PNLDC1: variants seen among roughly 807,000 people sequenced by gnomAD.
PNLDC1 encodes the protein PARN like ribonuclease domain containing exonuclease 1, also known as poly(A)-specific ribonuclease PNLDC1.
In PNLDC1, 70 loss-of-function variants were observed where a neutral mutation model predicts 82.0. The observed-to-expected ratio is 0.85, with a 90% CI of 0.70 to 1.04. The LOEUF is 1.04. PNLDC1 is among the 50% of genes least tolerant of loss of function. The probability of loss-of-function intolerance (pLI) is 0.00; values close to 1 mark genes in which losing one functional copy is unlikely to be tolerated. For missense variants in PNLDC1, 631 were observed against 661.1 expected, an observed-to-expected ratio of 0.95 and a Z score of 0.50; for synonymous variants, 280 against 249.3, an observed-to-expected ratio of 1.12 and a Z score of -1.16.
In PNLDC1 at chr6:159,813,604, A is replaced by T; in HGVS notation, c.943A>T (p.Met315Leu). The T allele has an allele frequency of 6.2e-7, 1 of 1,612,376 alleles. No individual in the cohort carries two copies. The highest frequency in any genetic ancestry group is 2.2e-5 in the East Asian group (1 of 44,860). The change falls in exon 12 of 19, where the codon ATG (methionine) becomes TTG (leucine). Residue 315 changes from methionine to leucine, a missense_variant. By Grantham distance (15) the Met-to-Leu change is conservative (BLOSUM62 2). Transcript: ENST00000392167. Reference sequence around the variant, plus strand: ...GGTTTGTTTTCCATGATTGTAGGAGATGAATTTCCCGAGGGTGTCGAATCT... The same window carrying T: ...GGTTTGTTTTCCATGATTGTAGGAGTTGAATTTCCCGAGGGTGTCGAATCT... ...KSVTKDIWKE[M>L]NFPRVSNLSE... is the part of the protein sequence containing the mutation.
In PNLDC1 at chr6:159,819,424, G is replaced by A; in HGVS notation, c.1532+72G>A. ...GCCCGGGGTCCCAGCATCCCAGCAT[G>A]GTCTGACTCGAGCACAGCTCACTTG... On this transcript the variant is annotated intron_variant, in intron 18 of 18. Coordinates refer to ENST00000392167, the MANE Select transcript of PNLDC1 (RefSeq NM_001271862.2). The surrounding 1 kb of genome is among the most constrained non-coding windows in gnomAD (Gnocchi z 4.6). 1 of 1,341,078 alleles carries A rather than the reference G, an allele frequency of 7.5e-7. No individual in the cohort carries two copies. The highest frequency in any genetic ancestry group is 2.4e-5 in the East Asian group (1 of 41,366). The allele number at this position is 1,341,078 out of a possible 1,614,324, so 83.1% of individuals were successfully genotyped here.
chr6:159,805,799 T>C (rs189591714), intron 6 of PNLDC1, 184 bp from the exon 7 acceptor site: 163 of 590,790 alleles, frequency 2.8e-4, no homozygotes, highest in African/African-American at 2.7e-3. Flanking sequence ...GGGCTATTCT[T>C]CCAATTGTTT....
At position 159,808,998 on chromosome 6, in the gene PNLDC1, T is replaced by C. The variant is rs776568415; in HGVS notation, c.640-17T>C. ...CCTAGTAACCCAGGATTCAGGGAATTTGTCCCTGCTTTTCAGGTGGTAGTG... is the reference window on the plus strand; with the variant it reads ...CCTAGTAACCCAGGATTCAGGGAATCTGTCCCTGCTTTTCAGGTGGTAGTG... On this transcript the variant is annotated splice_polypyrimidine_tract_variant and intron_variant, in intron 8 of 18. Transcript: ENST00000392167. 4.3e-6 allele frequency: 7 copies of C among 1,610,188 alleles called. No individual in the cohort carries two copies. In the East Asian group the frequency reaches 1.6e-4, roughly 36 times the overall value.
At chr6:159,820,237 T>C (rs371939025) in intron 18 of PNLDC1, among the ~76,000 whole-genome samples, 36 of 152,302 alleles carry the variant, frequency 2.4e-4, no homozygotes, top group East Asian at 1.4e-3. Context: ...GGAAGCACAG[T>C]GAGCTCCGAG....
At chr6:159,813,056 GA>G in intron 11 of PNLDC1, among the ~76,000 whole-genome samples, 1 of 152,310 alleles carries the variant, frequency 6.6e-6, no homozygotes, top group East Asian at 1.9e-4. Context: ...GAAGAACAGA[GA>G]AGGGGGCATC....
At chr6:159,817,710 C>T (rs1236192630) in intron 15 of PNLDC1, among the ~76,000 whole-genome samples, 4 of 152,240 alleles carry the variant, frequency 2.6e-5, no homozygotes, top group Admixed American at 2.6e-4. Context: ...CGCTACAGCA[C>T]CGTCCTTGGC....
In PNLDC1 at chr6:159,809,003, C is replaced by T; in HGVS notation, c.640-12C>T. The T allele has an allele frequency of 6.2e-7, 1 of 1,610,392 alleles. No individual in the cohort carries two copies. The highest frequency in any genetic ancestry group is 1.7e-4 in the Middle Eastern group (1 of 6,052). On this transcript the variant is annotated splice_polypyrimidine_tract_variant and intron_variant, in intron 8 of 18. Coordinates refer to ENST00000392167, the MANE Select transcript of PNLDC1 (RefSeq NM_001271862.2). Reference sequence around the variant, plus strand: ...TAACCCAGGATTCAGGGAATTTGTCCCTGCTTTTCAGGTGGTAGTGAAGAA... The same window carrying T: ...TAACCCAGGATTCAGGGAATTTGTCTCTGCTTTTCAGGTGGTAGTGAAGAA...
In PNLDC1 at chr6:159,819,067, A is replaced by C; in HGVS notation, c.1379A>C (p.Asp460Ala). Residue 460 changes from aspartate to alanine, a missense_variant, in exon 17 of 19, where the codon GAT becomes GCT. Asp to Ala is a moderately radical substitution (Grantham distance 126). Coordinates refer to ENST00000392167, the MANE Select transcript of PNLDC1 (RefSeq NM_001271862.2). The surrounding 1 kb of genome is among the most constrained non-coding windows in gnomAD (Gnocchi z 4.6). Reference protein sequence around the residue: ...YHKFQNLCKFDVRRLTRSQFL... With the variant: ...YHKFQNLCKFAVRRLTRSQFL... The stretch of plus-strand genomic sequence containing the variant: ...AAGTTTCAGAATCTCTGCAAGTTTG[A>C]TGTCAGGCGACTCACAAGAAGCCAG... 6.2e-7 allele frequency: 1 copy of C among 1,613,988 alleles called. No homozygotes were observed. The highest frequency in any genetic ancestry group is 8.5e-7 in the Non-Finnish European group (1 of 1,180,008).
chr6:159,802,567 ATTGTTGTACCCAAATTTGT>A (rs1781300058), intron 3 of PNLDC1, among the ~76,000 whole-genome samples: 1 of 150,652 alleles, frequency 6.6e-6, no homozygotes, highest in South Asian at 2.1e-4. Flanking sequence ...TTATGTTTCC[ATTGTTGTACCCAAATTTGT>A]TTGGGGGGAA....
chr6:159,816,667 T>C (rs1781844844), intron 14 of PNLDC1, 71 bp downstream of exon 14: 1 of 1,361,706 alleles, frequency 7.3e-7, no homozygotes, highest in South Asian at 1.2e-5. Flanking sequence ...GGTCTCACTC[T>C]GTTGCCCAGG....
At chr6:159,818,861 T>C in intron 16 of PNLDC1, 85 bp from the exon 17 acceptor site, 3 of 1,469,576 alleles carry the variant, frequency 2.0e-6, no homozygotes, top group South Asian at 2.5e-5. Context: ...AGCAGAGCCT[T>C]TCCTAGTTTC....
chr6:159,814,309 C>G (rs1276458382), intron 12 of PNLDC1, among the ~76,000 whole-genome samples: 1 of 152,050 alleles, frequency 6.6e-6, no homozygotes, highest in Admixed American at 6.6e-5. Flanking sequence ...TTTTTAAAAC[C>G]CATTCCTTGT....
rs1307872434 is a variant in PNLDC1, at chr6:159,803,961, A to G, written c.249-4A>G. 1.9e-6 allele frequency: 3 copies of G among 1,608,640 alleles called. No homozygotes were observed. The highest frequency in any genetic ancestry group is 1.3e-5 in the African/African-American group (1 of 74,356). Reference sequence around the variant, plus strand: ...TTTTTCTCTGTATGTTTGTTTTATTATAGGTATATAGCCCATTCTTGTAAC... The same window carrying G: ...TTTTTCTCTGTATGTTTGTTTTATTGTAGGTATATAGCCCATTCTTGTAAC... On this transcript the variant is annotated splice_region_variant and splice_polypyrimidine_tract_variant and intron_variant, in intron 4 of 18. Transcript: ENST00000392167.
chr6:159,809,427 G>C (rs1781569467), intron 9 of PNLDC1, among the ~76,000 whole-genome samples: 1 of 151,416 alleles, frequency 6.6e-6, no homozygotes, highest in Non-Finnish European at 1.5e-5. Context: ...TGGGACTACA[G>C]GCACATGCCA....
chr6:159,819,074 G>T lies in PNLDC1; in HGVS notation c.1386G>T (p.Arg462Ser), dbSNP rs745794089. 3 of 1,613,962 alleles carry T rather than the reference G, an allele frequency of 1.9e-6. No homozygotes were observed. The highest frequency in any genetic ancestry group is 3.3e-4 in the Middle Eastern group (2 of 6,062). ...KFQNLCKFDV[R>S]RLTRSQFLLL... is the part of the protein sequence containing the mutation. The stretch of plus-strand genomic sequence containing the variant: ...AGAATCTCTGCAAGTTTGATGTCAG[G>T]CGACTCACAAGAAGCCAGTTCTTAC... Residue 462 changes from arginine (R) to serine (S), a missense_variant, in exon 17 of 19, where the codon AGG becomes AGT. Coordinates refer to ENST00000392167, the MANE Select transcript of PNLDC1 (RefSeq NM_001271862.2). This position sits in a 1 kb window ranked among gnomAD's most constrained non-coding sequence, Gnocchi z 4.6.
chr6:159,813,804 GC>G lies in PNLDC1; in HGVS notation c.995+153del, dbSNP rs1012144390. 7.3e-6 allele frequency: 5 copies of G among 685,234 alleles called. No homozygotes were observed. In the Admixed American group the frequency reaches 7.5e-5, roughly 10 times the overall value. 42.4% of individuals were successfully genotyped at this position (685,234 alleles called of 1,614,324 possible). On this transcript the variant is annotated intron_variant, in intron 12 of 18. Coordinates refer to ENST00000392167, the MANE Select transcript of PNLDC1 (RefSeq NM_001271862.2). The stretch of plus-strand genomic sequence containing the variant: ...CTCCTCCAGCTCCTCCTGCTTCATG[GC>G]CCCCTTCCTCCGATGACCCTCTTGC...
chr6:159,814,023 C>T (rs906316761), intron 12 of PNLDC1, among the ~76,000 whole-genome samples: 3 of 152,208 alleles, frequency 2.0e-5, no homozygotes, highest in African/African-American at 4.8e-5. Context: ...CAGCAACTCC[C>T]CACCCCTACC....
At chr6:159,805,263 C>T (rs960560618) in intron 6 of PNLDC1, among the ~76,000 whole-genome samples, 12 of 152,164 alleles carry the variant, frequency 7.9e-5, no homozygotes, top group African/African-American at 2.7e-4. Flanking sequence ...GTAGACGGAC[C>T]GGGGGCCTTG....
At chr6:159,818,878 G>T in intron 16 of PNLDC1, 68 bp from the exon 17 acceptor site, 7 of 1,530,646 alleles carry the variant, frequency 4.6e-6, no homozygotes, top group Non-Finnish European at 6.2e-6. Context: ...TTTCTTTTGA[G>T]ATCTTCAGAC....
Sources: allele counts gnomAD v4.1 joint callset (sites outside exome capture counted in the v4.1 genomes callset), GRCh38; gene constraint gnomAD v4.1.1; non-coding constraint Gnocchi (gnomAD v3.1); transcripts MANE v1.5; gene names NCBI Gene and HGNC (gene_info 2026-07-23, HGNC 2026-07-21).